C2orf78: variants seen among roughly 807,000 people sequenced by gnomAD.
C2orf78 encodes uncharacterized protein C2orf78.
C2orf78 carries 12 observed loss-of-function variants against 21.4 expected under a neutral mutation model. The observed-to-expected ratio is 0.56, with a 90% CI of 0.36 to 0.91. The LOEUF (loss-of-function observed/expected upper bound fraction) is 0.91, where lower values mean the gene tolerates loss of function less well. C2orf78 is among the 40% of genes least tolerant of loss of function. The pLI is 0.01. For missense variants in C2orf78, 1,042 were observed against 1,092.4 expected (o/e 0.95, Z 0.65); for synonymous variants, 396 against 413.9 (o/e 0.96, Z 0.52).
intron 1 of C2orf78, among the ~76,000 whole-genome samples, chr2:73,786,024 C>A (rs910179786): frequency 2.7e-5 from 4 of 150,464 alleles, no homozygotes; most frequent in African/African-American, 7.4e-5. Flanking sequence ...CCAGCCTGGG[C>A]AATAAGAGGG....
chr2:73,810,609 A>T (rs997336455), intron 1 of C2orf78, among the ~76,000 whole-genome samples: 43 of 137,842 alleles, frequency 3.1e-4, no homozygotes, highest in African/African-American at 1.1e-3. Context: ...AAATATATAT[A>T]TTTTATATAT....
chr2:73,812,146 AATTC>A (rs1386066745), intron 1 of C2orf78, among the ~76,000 whole-genome samples: 1 of 152,150 alleles, frequency 6.6e-6, no homozygotes, highest in Non-Finnish European at 1.5e-5. Context: ...GCTTGTTAGA[AATTC>A]ATTCATTCTA....
In C2orf78 at chr2:73,816,543, AAC is replaced by A; in HGVS notation, c.2324_2325del (p.Thr775IlefsTer36). 1 of 1,613,918 alleles carries A rather than the reference AAC, an allele frequency of 6.2e-7. No homozygotes were observed. The highest frequency in any genetic ancestry group is 8.5e-7 in the Non-Finnish European group (1 of 1,179,872). ...CAATCCATCCCGACCAGCTCCTACC[AAC>A]ACATCTTTGACAGGTCCTGCCACAC... On this transcript the variant is annotated frameshift_variant, in exon 3 of 3. Coordinates refer to ENST00000409561, the Ensembl canonical transcript of C2orf78. LOFTEE classifies it low-confidence loss of function (END_TRUNC).
chr2:73,786,251 G>A (rs1204532233), intron 1 of C2orf78, among the ~76,000 whole-genome samples: 11 of 151,474 alleles, frequency 7.3e-5, no homozygotes, highest in African/African-American at 2.7e-4. Flanking sequence ...GTGGTGGCGT[G>A]CACCTGTAAT....
intron 1 of C2orf78, chr2:73,809,001 G>A (rs1673016555): frequency 3.6e-6 from 2 of 562,016 alleles, no homozygotes; most frequent in Non-Finnish European, 6.3e-6. Flanking sequence ...GGAATAACAG[G>A]GAAAGTATTG....
chr2:73,816,165 A>T, exon 3 of C2orf78: 1 of 1,613,842 alleles, frequency 6.2e-7, no homozygotes, highest in East Asian at 2.2e-5. Flanking sequence ...CGATATGAAA[A>T]CTGGATTCTC....
chr2:73,813,659 G>T, exon 2 of C2orf78: 1 of 1,613,990 alleles, frequency 6.2e-7, no homozygotes, highest in South Asian at 1.1e-5. Context: ...GCCACTCATG[G>T]GCAGTGCCTA....
chr2:73,813,539 G>A (rs766065954), exon 2 of C2orf78: 2 of 1,613,702 alleles, frequency 1.2e-6, no homozygotes, highest in Non-Finnish European at 1.7e-6. Flanking sequence ...TCTTCCTGTG[G>A]TGAGCAATGC....
exon 3 of C2orf78, chr2:73,816,730 G>A (rs539780072): frequency 1.2e-5 from 20 of 1,613,900 alleles, no homozygotes; most frequent in Middle Eastern, 3.3e-4. Flanking sequence ...ACCAGTCTCC[G>A]GTCACTGCCC....
rs1480639567 is a variant in C2orf78, at chr2:73,806,990, C to A, written c.98-6487C>A. ...TCCCAAGGTCAGGAGACCATCCTCG[C>A]TGACACGGTGAAACCCCGTCTCTAC... is the stretch of plus-strand genomic sequence containing the variant. On this transcript the variant is annotated intron_variant, in intron 1 of 2. Coordinates refer to ENST00000409561, the Ensembl canonical transcript of C2orf78. Among the ~76,000 whole-genome samples, 7 of 141,536 alleles carry A rather than the reference C, an allele frequency of 4.9e-5. 2 individuals are homozygous for A. The highest frequency in any genetic ancestry group is 1.0e-4 in the Non-Finnish European group (7 of 66,712). 92.9% of individuals were successfully genotyped at this position (141,536 alleles called of 152,430 possible).
intron 1 of C2orf78, among the ~76,000 whole-genome samples, chr2:73,811,288 C>T (rs1240495055): frequency 1.3e-5 from 2 of 151,926 alleles, no homozygotes; most frequent in East Asian, 3.9e-4. Flanking sequence ...AGGACCCCAT[C>T]TCAAAAGAAA....
chr2:73,810,792 T>A (rs935453167), intron 1 of C2orf78, among the ~76,000 whole-genome samples: 35 of 106,004 alleles, frequency 3.3e-4, no homozygotes, highest in South Asian at 1.5e-3. Flanking sequence ...CATGTATATT[T>A]TATATATATA....
chr2:73,814,083 C>T (rs1039021582), exon 2 of C2orf78: 4 of 1,613,618 alleles, frequency 2.5e-6, no homozygotes, highest in South Asian at 1.1e-5. Flanking sequence ...GTGTCATACA[C>T]AGGATATAGG....
At position 73,784,500 on chromosome 2, in the gene C2orf78, T is replaced by A. The variant is rs528350621; in HGVS notation, c.97+94T>A. ...CCCTATATTCCCAAACAGCTTGGAA[T>A]AACAGGGAAAGTATTGAAGTAGAAA... is the stretch of plus-strand genomic sequence containing the variant. On this transcript the variant is annotated intron_variant, in intron 1 of 2. Transcript: ENST00000409561. 9.3e-4 allele frequency: 515 copies of A among 556,300 alleles called. 14 individuals carry two copies. The African/African-American group carries it at 9.3e-3, about 10-fold the overall frequency. 34.5% of individuals were successfully genotyped at this position (556,300 alleles called of 1,614,324 possible).
exon 2 of C2orf78, chr2:73,813,500 C>A (rs772675364): frequency 2.5e-6 from 4 of 1,609,286 alleles, no homozygotes; most frequent in South Asian, 1.1e-5. Context: ...TACGTCTTTA[C>A]CTGGAACTGC....
chr2:73,815,768 G>A (rs1673180878), exon 3 of C2orf78: 11 of 1,613,694 alleles, frequency 6.8e-6, no homozygotes, highest in Non-Finnish European at 9.3e-6. Context: ...GTGCTCCCAA[G>A]GCCAAAATCC....
chr2:73,810,744 G>A lies in C2orf78; in HGVS notation c.98-2733G>A, dbSNP rs1482130631. On this transcript the variant is annotated intron_variant, in intron 1 of 2. Transcript: ENST00000409561. ...AAATATACATACATAAAATATACATGTATATTTTATGTATATATAATATAT... is the reference window on the plus strand; with the variant it reads ...AAATATACATACATAAAATATACATATATATTTTATGTATATATAATATAT... Among the ~76,000 whole-genome samples, 390 of 122,636 alleles carry A rather than the reference G, an allele frequency of 3.2e-3. 6 individuals are homozygous for A. The highest frequency in any genetic ancestry group is 0.012 in the African/African-American group (377 of 31,682). 80.5% of individuals were successfully genotyped at this position (122,636 alleles called of 152,430 possible).
intron 1 of C2orf78, among the ~76,000 whole-genome samples, chr2:73,810,907 T>C (rs1244788359): frequency 7.1e-6 from 1 of 141,396 alleles, no homozygotes; most frequent in Non-Finnish European, 1.5e-5. Flanking sequence ...ATGTATATTA[T>C]ATATAATATA....
At chr2:73,810,729 A>G (rs1673068465) in intron 1 of C2orf78, among the ~76,000 whole-genome samples, 1 of 133,218 alleles carries the variant, frequency 7.5e-6, no homozygotes, top group African/African-American at 2.8e-5. Context: ...AAATATACAT[A>G]CATAAAATAT....
Sources: gnomAD v4.1 joint callset for allele counts (sites outside exome capture counted in the v4.1 genomes callset) on GRCh38, gnomAD v4.1.1 for gene constraint, MANE v1.5 for transcripts, NCBI Gene and HGNC (gene_info 2026-07-23, HGNC 2026-07-21) for gene names.